ERC2: variants seen among roughly 807,000 people sequenced by gnomAD.
ERC2 encodes ELKS/RAB6-interacting/CAST family member 2, also known as ERC protein 2.
ERC2 carries 42 observed loss-of-function variants against 114.8 expected under a neutral mutation model. That is an observed-to-expected ratio of 0.37 (90% CI 0.29 to 0.47). ERC2 has a LOEUF of 0.47. ERC2 is among the 20% of genes least tolerant of loss of function. The pLI is 0.99. For missense variants in ERC2, 939 were observed against 1,150.7 expected (o/e 0.82, Z 2.66); for synonymous variants, 454 against 425.5 (o/e 1.07, Z -0.82).
chr3:55,651,038 T>G (rs113867086), intron 17 of ERC2, among the ~76,000 whole-genome samples: 56 of 117,802 alleles, frequency 4.8e-4, no homozygotes, highest in Admixed American at 6.4e-4. Flanking sequence ...TTTTTTTTTT[T>G]GTAGTAGACA....
At chr3:55,555,131 C>G (rs149365150) in intron 17 of ERC2, among the ~76,000 whole-genome samples, 92 of 152,212 alleles carry the variant, frequency 6.0e-4, no homozygotes, top group Non-Finnish European at 1.2e-3. Flanking sequence ...TTGAGACATG[C>G]CGCCCTTGCT....
intron 3 of ERC2, among the ~76,000 whole-genome samples, chr3:56,290,567 G>A (rs556637702): frequency 9.9e-4 from 151 of 152,336 alleles, no homozygotes; most frequent in African/African-American, 3.5e-3. Context: ...AGAAATGCCT[G>A]CATCAGCAAA....
chr3:55,970,025 T>A (rs141738180), intron 12 of ERC2, among the ~76,000 whole-genome samples: 1 of 152,094 alleles, frequency 6.6e-6, no homozygotes, highest in African/African-American at 2.4e-5. Flanking sequence ...AACTAAGACA[T>A]TACCAAAAGA....
At chr3:55,739,472 C>T (rs527631830) in intron 14 of ERC2, among the ~76,000 whole-genome samples, 21 of 152,172 alleles carry the variant, frequency 1.4e-4, no homozygotes, top group Middle Eastern at 3.4e-3. Context: ...TGAGATAGTA[C>T]GTCATTGTGG....
At chr3:55,857,447 ATT>A (rs2061839432) in intron 14 of ERC2, among the ~76,000 whole-genome samples, 1 of 152,142 alleles carries the variant, frequency 6.6e-6, no homozygotes, top group Non-Finnish European at 1.5e-5. Context: ...CACTTTAACC[ATT>A]TTTAAATATA....
At chr3:56,038,343 C>T (rs1197543512) in intron 7 of ERC2, among the ~76,000 whole-genome samples, 1 of 152,140 alleles carries the variant, frequency 6.6e-6, no homozygotes, top group Non-Finnish European at 1.5e-5. Context: ...AGCTCAACAT[C>T]ACTTATCATT....
At chr3:56,156,743 C>T (rs1434023689) in intron 4 of ERC2, among the ~76,000 whole-genome samples, 1 of 152,144 alleles carries the variant, frequency 6.6e-6, no homozygotes, top group East Asian at 1.9e-4. Flanking sequence ...AAATCATTTC[C>T]ATGTGCCTGT....
At chr3:56,356,060 G>A (rs2058735440) in intron 2 of ERC2, among the ~76,000 whole-genome samples, 1 of 152,184 alleles carries the variant, frequency 6.6e-6, no homozygotes, top group South Asian at 2.1e-4. Flanking sequence ...ATTAGCTCCT[G>A]CTGTGTCCTA....
At chr3:55,910,005 C>T (rs936918693) in intron 13 of ERC2, among the ~76,000 whole-genome samples, 10 of 152,028 alleles carry the variant, frequency 6.6e-5, no homozygotes, top group African/African-American at 1.9e-4. Context: ...CATACATATA[C>T]GTTATGTATT....
intron 6 of ERC2, among the ~76,000 whole-genome samples, chr3:56,122,197 A>G (rs1464677332): frequency 6.6e-6 from 1 of 152,260 alleles, no homozygotes; most frequent in East Asian, 1.9e-4. Context: ...GTCAGTATGC[A>G]CAGATGTAGA....
chr3:55,779,651 C>G (rs910033153), intron 14 of ERC2, among the ~76,000 whole-genome samples: 12 of 151,976 alleles, frequency 7.9e-5, no homozygotes, highest in South Asian at 2.1e-4. Flanking sequence ...CAAAAAAAAC[C>G]CCAGCAGCAC....
chr3:56,048,582 T>C (rs945878801), intron 7 of ERC2, among the ~76,000 whole-genome samples: 20 of 152,186 alleles, frequency 1.3e-4, no homozygotes, highest in Non-Finnish European at 1.9e-4. Flanking sequence ...AATCAAATAG[T>C]TTCAAGACAG....
chr3:55,860,566 A>T (rs900754008), intron 14 of ERC2, among the ~76,000 whole-genome samples: 1 of 152,194 alleles, frequency 6.6e-6, no homozygotes, highest in Admixed American at 6.5e-5. Flanking sequence ...CTCTGAATAA[A>T]GGCAGCTGAA....
chr3:55,792,985 C>G (rs1416978341), intron 14 of ERC2, among the ~76,000 whole-genome samples: 1 of 152,204 alleles, frequency 6.6e-6, no homozygotes, highest in East Asian at 1.9e-4. Context: ...GATGCTATAA[C>G]CCTGAGCCCT....
intron 14 of ERC2, among the ~76,000 whole-genome samples, chr3:55,810,850 C>T (rs1244211242): frequency 6.6e-6 from 1 of 152,148 alleles, no homozygotes; most frequent in Non-Finnish European, 1.5e-5. Context: ...TCTCTCCTTC[C>T]CTCTAGTATC....
At chr3:55,670,338 G>A (rs1054336434) in intron 17 of ERC2, among the ~76,000 whole-genome samples, 4 of 152,222 alleles carry the variant, frequency 2.6e-5, no homozygotes, top group African/African-American at 9.6e-5. Context: ...AAGCAGAGAA[G>A]TGGTCAATGG....
At chr3:55,577,851 G>A (rs2057065168) in intron 17 of ERC2, among the ~76,000 whole-genome samples, 1 of 152,196 alleles carries the variant, frequency 6.6e-6, no homozygotes. Context: ...GAAAGGAAAT[G>A]GAAGAGGTTG....
intron 10 of ERC2, chr3:56,003,064 A>C: frequency 7.8e-7 from 1 of 1,283,912 alleles, no homozygotes; most frequent in Middle Eastern, 2.1e-4. Flanking sequence ...TCATGCTTTG[A>C]TATGTTACAG....
chr3:56,048,404 A>G (rs549917056), intron 7 of ERC2, among the ~76,000 whole-genome samples: 1 of 152,304 alleles, frequency 6.6e-6, no homozygotes, highest in East Asian at 1.9e-4. Flanking sequence ...TTCTAAACAC[A>G]GTGCTTGCTT....
Sources: gnomAD v4.1 joint callset for allele counts (sites outside exome capture counted in the v4.1 genomes callset) on GRCh38, gnomAD v4.1.1 for gene constraint, MANE v1.5 for transcripts, NCBI Gene and HGNC (gene_info 2026-07-23, HGNC 2026-07-21) for gene names.